The following TTC27 variants were observed in gnomAD, a reference collection of about 807,000 sequenced individuals.
The protein encoded by TTC27 is tetratricopeptide repeat domain 27.
Under a neutral mutation model 115.9 loss-of-function variants are expected in TTC27, and 79 were observed. That is an observed-to-expected ratio of 0.68 (90% CI 0.57 to 0.82). The LOEUF (loss-of-function observed/expected upper bound fraction) is 0.82. Among genes scored for constraint, TTC27 ranks in the 40% least tolerant of loss-of-function variants. The pLI is 0.00. For missense variants in TTC27, 1,054 were observed against 993.1 expected (o/e 1.06, Z -0.82); for synonymous variants, 401 against 356.0 (o/e 1.13, Z -1.42).
chr2:32,809,144 G>C (rs1344195833), intron 16 of TTC27, among the ~76,000 whole-genome samples: 1 of 152,286 alleles, frequency 6.6e-6, no homozygotes, highest in East Asian at 1.9e-4. Flanking sequence ...ATTCCTAAAA[G>C]TATCCATGTT....
At chr2:32,772,407 C>G (rs1428274904) in intron 13 of TTC27, among the ~76,000 whole-genome samples, 1 of 152,156 alleles carries the variant, frequency 6.6e-6, no homozygotes, top group African/African-American at 2.4e-5. Context: ...CGGACGATCC[C>G]TGACTTACAA....
intron 13 of TTC27, among the ~76,000 whole-genome samples, chr2:32,774,599 G>GT (rs968396678): frequency 2.0e-5 from 3 of 151,922 alleles, no homozygotes; most frequent in Non-Finnish European, 4.4e-5. Context: ...ATCGAGAGAG[G>GT]TTTTTTTTGA....
chr2:32,748,643 T>C lies in TTC27; in HGVS notation c.1453-9649T>C, dbSNP rs149665456. On this transcript the variant is annotated intron_variant, in intron 12 of 19. Transcript: ENST00000317907. The stretch of plus-strand genomic sequence containing the variant: ...TTTGTGATTGTTATATCTTTCTTGA[T>C]GGAGTAAACATTTTATCATAAAAAT... Among the ~76,000 whole-genome samples the C allele has an allele frequency of 3.4e-3, 518 of 152,276 alleles. 6 individuals are homozygous for C. Among genetic ancestry groups the C allele is most frequent in the African/African-American group, 0.012 (484 of 41,546 alleles).
intron 10 of TTC27, among the ~76,000 whole-genome samples, chr2:32,716,001 C>T (rs902033526): frequency 8.6e-5 from 13 of 150,354 alleles, no homozygotes; most frequent in Admixed American, 3.3e-4. Flanking sequence ...TGATACTGCT[C>T]ATTATAAAAA....
chr2:32,763,535 A>T (rs1357431154), intron 13 of TTC27, among the ~76,000 whole-genome samples: 1 of 152,226 alleles, frequency 6.6e-6, no homozygotes, highest in East Asian at 1.9e-4. Flanking sequence ...AGGGGGAAAA[A>T]GGCTATTGTC....
At chr2:32,667,387 T>C (rs955375275) in intron 7 of TTC27, among the ~76,000 whole-genome samples, 3 of 151,842 alleles carry the variant, frequency 2.0e-5, no homozygotes, top group African/African-American at 7.3e-5. Flanking sequence ...TATGCATGTG[T>C]TTTCTGATCC....
intron 5 of TTC27, among the ~76,000 whole-genome samples, chr2:32,663,309 A>G (rs1665623514): frequency 6.6e-6 from 1 of 152,094 alleles, no homozygotes; most frequent in Admixed American, 6.6e-5. Context: ...TGGTGTAGGC[A>G]CCCGAGGGAA....
intron 13 of TTC27, among the ~76,000 whole-genome samples, chr2:32,759,063 A>G (rs1016259470): frequency 5.9e-5 from 9 of 152,238 alleles, no homozygotes; most frequent in African/African-American, 2.2e-4. Flanking sequence ...AAGTGACATG[A>G]TAAATCCATA....
At chr2:32,820,287 A>G (rs1013057651) in intron 19 of TTC27, among the ~76,000 whole-genome samples, 2 of 152,226 alleles carry the variant, frequency 1.3e-5, no homozygotes, top group African/African-American at 4.8e-5. Flanking sequence ...CATGATTGAA[A>G]TATGTTGCAA....
At chr2:32,653,569 G>A (rs1247613060) in intron 5 of TTC27, among the ~76,000 whole-genome samples, 3 of 150,166 alleles carry the variant, frequency 2.0e-5, no homozygotes, top group Non-Finnish European at 2.9e-5. Context: ...ACTACAGCCT[G>A]GATGACAGAG....
intron 16 of TTC27, among the ~76,000 whole-genome samples, chr2:32,790,386 A>G (rs893096824): frequency 1.3e-5 from 2 of 152,064 alleles, no homozygotes; most frequent in Non-Finnish European, 2.9e-5. Context: ...ATGAGTAGAT[A>G]TACTACCTTT....
chr2:32,692,036 G>GTTTTTTGTTTTTTTTT (rs1666830895), intron 9 of TTC27, among the ~76,000 whole-genome samples: 1 of 61,188 alleles, frequency 1.6e-5, no homozygotes, highest in Non-Finnish European at 2.9e-5. Flanking sequence ...AATTTTTTAG[G>GTTTTTTGTTTTTTTTT]TTTTTTTTTT....
chr2:32,801,079 T>G (rs58164226), intron 16 of TTC27, among the ~76,000 whole-genome samples: 90 of 152,316 alleles, frequency 5.9e-4, no homozygotes, highest in African/African-American at 2.0e-3. Context: ...GACATTCATA[T>G]GTTTATTGCT....
intron 13 of TTC27, among the ~76,000 whole-genome samples, chr2:32,777,170 T>TC (rs1298091803): frequency 2.5e-4 from 38 of 152,380 alleles, no homozygotes; most frequent in African/African-American, 8.9e-4. Context: ...GCAGTTTGGC[T>TC]CTTGGTTAAG....
In TTC27 at chr2:32,633,879, A is replaced by T. The variant is rs570410738; in HGVS notation, c.270A>T (p.Gln90His). 1.2e-6 allele frequency: 2 copies of T among 1,613,504 alleles called. No individual in the cohort carries two copies. The highest frequency in any genetic ancestry group is 2.2e-5 in the South Asian group (2 of 90,864). The change falls in exon 3 of 20, where the codon CAA (glutamine) becomes CAT (histidine). Residue 90 changes from glutamine to histidine, a missense_variant. By Grantham distance (24) the Gln-to-His change is conservative. Coordinates refer to ENST00000317907, the MANE Select transcript of TTC27 (RefSeq NM_017735.5). Reference protein sequence around the residue: ...YSTDLDTTERQQLIFLLGVSS... With the variant: ...YSTDLDTTERHQLIFLLGVSS... ...CTTTAACCATTCTTATATGCAGACA[A>T]CAGTTGATATTTCTACTTGGTGTGA...
Position 32,648,240 on chromosome 2 carries a change from G to C in TTC27, c.538-1891G>C, listed in dbSNP as rs1023712322. On this transcript the variant is annotated intron_variant, in intron 4 of 19. Transcript: ENST00000317907. ...CCTCCTGGGTTCAAGTGATTCTCCT[G>C]CTTCAACCTCCCGAGTAGCTGGGAT... 1.6e-4 allele frequency among the ~76,000 whole-genome samples: 25 copies of C among 152,166 alleles called. No homozygotes were observed. The East Asian group carries it at 4.8e-3, about 29-fold the overall frequency.
intron 15 of TTC27, among the ~76,000 whole-genome samples, 161 bp from the exon 16 acceptor site, chr2:32,786,823 A>C (rs568432994): frequency 1.3e-5 from 2 of 152,316 alleles, no homozygotes; most frequent in Admixed American, 6.5e-5. Flanking sequence ...TTTGTAGGGA[A>C]GTTTGAGTTG....
chr2:32,770,577 ATGTAAGAT>A (rs1378615979), intron 13 of TTC27, among the ~76,000 whole-genome samples: 1 of 152,214 alleles, frequency 6.6e-6, no homozygotes, highest in Non-Finnish European at 1.5e-5. Context: ...CAAAGTGAGA[ATGTAAGAT>A]TGATGTTTGG....
At chr2:32,786,026 G>T (rs1670336466) in intron 15 of TTC27, among the ~76,000 whole-genome samples, 1 of 151,424 alleles carries the variant, frequency 6.6e-6, no homozygotes. Context: ...TTATTTCTTT[G>T]TCTCTTTCAG....
Sources: allele counts gnomAD v4.1 joint callset (sites outside exome capture counted in the v4.1 genomes callset), GRCh38; gene constraint gnomAD v4.1.1; transcripts MANE v1.5; gene names NCBI Gene and HGNC (gene_info 2026-07-23, HGNC 2026-07-21).